MAST4: variants seen among roughly 807,000 people sequenced by gnomAD.
The protein encoded by MAST4 is microtubule associated serine/threonine kinase family member 4.
MAST4 carries 89 observed loss-of-function variants against 162.7 expected under a neutral mutation model. The observed-to-expected ratio is 0.55, with a 90% confidence interval of 0.46 to 0.65. The LOEUF (loss-of-function observed/expected upper bound fraction) is 0.65, where lower values mean the gene tolerates loss of function less well. MAST4 is among the 30% of genes least tolerant of loss of function. MAST4 has a pLI of 0.00. For missense variants in MAST4, 3,153 were observed against 3,374.0 expected (o/e 0.93, Z 1.62); for synonymous variants, 1,479 against 1,361.1 (o/e 1.09, Z -1.91).
intron 7 of MAST4, among the ~76,000 whole-genome samples, chr5:67,098,592 A>G (rs1764699147): frequency 6.6e-6 from 1 of 152,192 alleles, no homozygotes; most frequent in Non-Finnish European, 1.5e-5. Flanking sequence ...TATGAATACT[A>G]TCCTTTGCAA....
chr5:66,794,223 A>G (rs770351358), intron 3 of MAST4, among the ~76,000 whole-genome samples: 4 of 152,236 alleles, frequency 2.6e-5, no homozygotes, highest in Non-Finnish European at 5.9e-5. Flanking sequence ...TTAGAAAATG[A>G]GAATGAAAGG....
At chr5:66,887,070 G>T (rs937002799) in intron 3 of MAST4, among the ~76,000 whole-genome samples, 1 of 151,964 alleles carries the variant, frequency 6.6e-6, no homozygotes, top group Admixed American at 6.6e-5. Flanking sequence ...AAACAAAAAC[G>T]AAACAAAACA....
At chr5:66,683,841 G>A (rs1053481379) in intron 1 of MAST4, among the ~76,000 whole-genome samples, 11 of 152,166 alleles carry the variant, frequency 7.2e-5, no homozygotes, top group Non-Finnish European at 1.2e-4. Flanking sequence ...GTTCCCCTTG[G>A]TACTATGAGG....
intron 3 of MAST4, among the ~76,000 whole-genome samples, chr5:66,893,921 A>G (rs994569988): frequency 6.6e-6 from 1 of 152,174 alleles, no homozygotes; most frequent in Non-Finnish European, 1.5e-5. Context: ...TGCCTTTACA[A>G]GTGACTCTCA....
In MAST4 at chr5:67,136,680, T is replaced by C; in HGVS notation, c.2494+16T>C. On this transcript the variant is annotated intron_variant, in intron 19 of 28. Transcript: ENST00000403625. ...CTGGGAACAGGTTAGAGCCCATGTG[T>C]TTTAATTTTGCTAATATGCAAGAAA... The C allele has an allele frequency of 6.4e-7, 1 of 1,564,662 alleles. No individual in the cohort carries two copies. Among genetic ancestry groups the C allele is most frequent in the East Asian group, 2.3e-5 (1 of 42,988 alleles).
At chr5:66,711,179 C>T (rs1248686247) in intron 1 of MAST4, among the ~76,000 whole-genome samples, 2 of 152,200 alleles carry the variant, frequency 1.3e-5, no homozygotes, top group Non-Finnish European at 2.9e-5. Flanking sequence ...TTTATTCTTT[C>T]TCATTTCTGC....
At chr5:66,973,781 C>T (rs1487860458) in intron 4 of MAST4, among the ~76,000 whole-genome samples, 1 of 152,078 alleles carries the variant, frequency 6.6e-6, no homozygotes, top group East Asian at 1.9e-4. Context: ...CCTTTCTCTC[C>T]CTTCATTTTT....
chr5:66,934,978 T>C lies in MAST4; in HGVS notation c.674+34996T>C, dbSNP rs559279233. Among the ~76,000 whole-genome samples, 13 of 152,332 alleles carry C rather than the reference T, an allele frequency of 8.5e-5. No homozygotes were observed. In the South Asian group the frequency reaches 2.7e-3, roughly 32 times the overall value. ...GTTAGGATCACGTCCACAGTGTTTT[T>C]TCAGTAGGTAAGGATGTCTTCCAAT... On this transcript the variant is annotated intron_variant, in intron 4 of 28. Transcript: ENST00000403625.
chr5:66,599,228 C>G (rs1266079818), intron 1 of MAST4, among the ~76,000 whole-genome samples: 2 of 152,172 alleles, frequency 1.3e-5, no homozygotes, highest in Non-Finnish European at 2.9e-5. Flanking sequence ...GGTTCTTACA[C>G]TGGTGATGGT....
chr5:67,023,389 A>G (rs552837184), intron 4 of MAST4, among the ~76,000 whole-genome samples: 4 of 152,274 alleles, frequency 2.6e-5, no homozygotes, highest in Admixed American at 2.6e-4. Flanking sequence ...TTTTAGGAGA[A>G]TCTTTGAGAA....
At chr5:66,871,867 A>C (rs756894672) in intron 3 of MAST4, among the ~76,000 whole-genome samples, 1 of 152,200 alleles carries the variant, frequency 6.6e-6, no homozygotes, top group Non-Finnish European at 1.5e-5. Flanking sequence ...AGTTGTAGAC[A>C]TCCCTAGATT....
At chr5:66,871,848 G>A (rs1166680967) in intron 3 of MAST4, among the ~76,000 whole-genome samples, 1 of 152,190 alleles carries the variant, frequency 6.6e-6, no homozygotes, top group Non-Finnish European at 1.5e-5. Context: ...CAGATGTCCT[G>A]AGGGTAAAAG....
At chr5:66,721,547 CT>C (rs1196415400) in intron 1 of MAST4, among the ~76,000 whole-genome samples, 1 of 151,398 alleles carries the variant, frequency 6.6e-6, no homozygotes, top group Non-Finnish European at 1.5e-5. Flanking sequence ...TCCTTGACCT[CT>C]TAATGTTAGA....
At chr5:66,782,630 A>G (rs938170806) in intron 2 of MAST4, among the ~76,000 whole-genome samples, 2 of 152,254 alleles carry the variant, frequency 1.3e-5, no homozygotes, top group African/African-American at 4.8e-5. Context: ...CATTTGATAC[A>G]TGTTTCAATA....
At chr5:67,009,844 G>GT (rs1752467572) in intron 4 of MAST4, among the ~76,000 whole-genome samples, 1 of 152,140 alleles carries the variant, frequency 6.6e-6, no homozygotes, top group East Asian at 1.9e-4. Flanking sequence ...GGGGTAGTCT[G>GT]TTTAAAAGAT....
At chr5:67,098,549 T>C (rs531829259) in intron 7 of MAST4, among the ~76,000 whole-genome samples, 1 of 152,274 alleles carries the variant, frequency 6.6e-6, no homozygotes, top group East Asian at 1.9e-4. Flanking sequence ...TCAAATGATA[T>C]GATTTAATAA....
chr5:66,605,913 T>A (rs1742851574), intron 1 of MAST4, among the ~76,000 whole-genome samples: 1 of 152,226 alleles, frequency 6.6e-6, no homozygotes, highest in Admixed American at 6.5e-5. Flanking sequence ...CCTAAGTGTG[T>A]GAGCAGCAGC....
intron 5 of MAST4, among the ~76,000 whole-genome samples, chr5:67,056,893 A>G (rs1359002276): frequency 6.6e-6 from 1 of 151,924 alleles, no homozygotes; most frequent in Admixed American, 6.6e-5. Flanking sequence ...AGTAGAGAGA[A>G]GGTTTCGCCC....
At chr5:67,142,654 A>G in intron 21 of MAST4, 121 bp downstream of exon 21, 1 of 669,320 alleles carries the variant, frequency 1.5e-6, no homozygotes, top group Non-Finnish European at 2.6e-6. Flanking sequence ...CCTATGCTTA[A>G]ACTTCCTTTT....
Sources: allele counts gnomAD v4.1 joint callset (sites outside exome capture counted in the v4.1 genomes callset), GRCh38; gene constraint gnomAD v4.1.1; transcripts MANE v1.5; gene names NCBI Gene and HGNC (gene_info 2026-07-23, HGNC 2026-07-21).